CTNNBL1: variants seen among roughly 807,000 people sequenced by gnomAD.
CTNNBL1 encodes the protein beta-catenin-like protein 1.
Under a neutral mutation model 72.7 loss-of-function variants are expected in CTNNBL1, and 31 were observed. The ratio of observed to expected loss-of-function variants is 0.43; its 90% confidence interval spans 0.32 to 0.58. The LOEUF (loss-of-function observed/expected upper bound fraction) is 0.58. Among genes scored for constraint, CTNNBL1 ranks in the 20% least tolerant of loss-of-function variants. The pLI is 0.08. For synonymous variants in CTNNBL1, 240 were observed against 267.3 expected (o/e 0.90, Z 1.00); for missense variants, 534 against 725.1 (o/e 0.74, Z 3.03).
At chr20:37,766,745 C>T (rs1219925305) in intron 6 of CTNNBL1, among the ~76,000 whole-genome samples, 2 of 152,028 alleles carry the variant, frequency 1.3e-5, no homozygotes, top group African/African-American at 4.8e-5. Flanking sequence ...CTGTGACAGT[C>T]AGAGGTGGGA....
chr20:37,710,421 A>T (rs1259422718), intron 1 of CTNNBL1, among the ~76,000 whole-genome samples: 1 of 152,236 alleles, frequency 6.6e-6, no homozygotes, highest in African/African-American at 2.4e-5. Flanking sequence ...AGAATGAAGC[A>T]TTCGTATTCT....
chr20:37,852,939 A>G (rs1007692981), intron 13 of CTNNBL1, among the ~76,000 whole-genome samples: 9 of 152,326 alleles, frequency 5.9e-5, no homozygotes, highest in African/African-American at 2.2e-4. Flanking sequence ...ATCTGATCCC[A>G]TCTTCTTAGT....
At chr20:37,795,980 A>C (rs1355362482) in intron 10 of CTNNBL1, among the ~76,000 whole-genome samples, 1 of 151,548 alleles carries the variant, frequency 6.6e-6, no homozygotes, top group African/African-American at 2.4e-5. Context: ...GTTACTTGGA[A>C]ATAGTTTGGT....
intron 13 of CTNNBL1, among the ~76,000 whole-genome samples, chr20:37,856,399 C>T (rs916043174): frequency 6.6e-6 from 1 of 151,972 alleles, no homozygotes; most frequent in East Asian, 1.9e-4. Context: ...GGTTGAAGGA[C>T]TGAAAAATCA....
At chr20:37,798,356 ACT>A (rs1421295033) in intron 10 of CTNNBL1, among the ~76,000 whole-genome samples, 1 of 152,064 alleles carries the variant, frequency 6.6e-6, no homozygotes, top group Non-Finnish European at 1.5e-5. Flanking sequence ...GCAGTGGATG[ACT>A]CTCCACCATT....
rs181738122 is a variant in CTNNBL1 at position 37,855,871 on chromosome 20, A to G, written c.1393-4028A>G. On this transcript the variant is annotated intron_variant, in intron 13 of 15. Coordinates refer to ENST00000361383, the MANE Select transcript of CTNNBL1 (RefSeq NM_030877.5). ...GCCCCAGCCATGCAAATCTCAGCACACACAGCTCATTAAATAGCTTTGAAC... is the reference window on the plus strand; with the variant it reads ...GCCCCAGCCATGCAAATCTCAGCACGCACAGCTCATTAAATAGCTTTGAAC... 3.3e-5 allele frequency among the ~76,000 whole-genome samples: 5 copies of G among 152,106 alleles called. No individual in the cohort carries two copies. The East Asian group carries it at 9.6e-4, about 29-fold the overall frequency.
At chr20:37,750,003 G>A (rs1040766240) in intron 4 of CTNNBL1, 2 of 151,992 alleles carry the variant, frequency 1.3e-5, no homozygotes, top group African/African-American at 4.8e-5. Flanking sequence ...GACCATATAT[G>A]GCTGGTTATG....
chr20:37,855,675 T>C (rs1462754766), intron 13 of CTNNBL1, among the ~76,000 whole-genome samples: 2 of 152,350 alleles, frequency 1.3e-5, no homozygotes, highest in African/African-American at 2.4e-5. Context: ...TCTAAGCCGA[T>C]GTGTCCATCA....
chr20:37,870,257 C>T (rs2122885659), intron 15 of CTNNBL1, among the ~76,000 whole-genome samples: 1 of 152,190 alleles, frequency 6.6e-6, no homozygotes, highest in South Asian at 2.1e-4. Flanking sequence ...TGCTCCTACA[C>T]CCCTCCTGCC....
chr20:37,734,412 C>T (rs73621919), intron 2 of CTNNBL1, among the ~76,000 whole-genome samples: 1 of 152,270 alleles, frequency 6.6e-6, no homozygotes, highest in Non-Finnish European at 1.5e-5. Flanking sequence ...CCCTCCTCAC[C>T]AGCTTCTGCT....
At chr20:37,750,125 T>C (rs1271229471) in intron 4 of CTNNBL1, 1 of 152,226 alleles carries the variant, frequency 6.6e-6, no homozygotes, top group East Asian at 1.9e-4. Flanking sequence ...AGGCAGAGGA[T>C]GTGAGAAAAC....
intron 10 of CTNNBL1, among the ~76,000 whole-genome samples, chr20:37,782,343 C>T (rs1204673634): frequency 1.3e-5 from 2 of 152,114 alleles, no homozygotes; most frequent in Admixed American, 1.3e-4. Flanking sequence ...AAACAAGATA[C>T]TCATTGATAC....
At chr20:37,831,015 T>C (rs1025165230) in intron 11 of CTNNBL1, among the ~76,000 whole-genome samples, 1 of 152,200 alleles carries the variant, frequency 6.6e-6, no homozygotes, top group Non-Finnish European at 1.5e-5. Flanking sequence ...ACTCCAAGAA[T>C]GTGGCCCAGT....
chr20:37,731,484 C>T (rs2073128160), intron 1 of CTNNBL1, among the ~76,000 whole-genome samples: 1 of 152,188 alleles, frequency 6.6e-6, no homozygotes, highest in Non-Finnish European at 1.5e-5. Flanking sequence ...ATCTGCCCGC[C>T]TCAGCCTCCC....
intron 5 of CTNNBL1, among the ~76,000 whole-genome samples, chr20:37,760,899 T>C (rs1440682752): frequency 2.0e-5 from 3 of 151,962 alleles, no homozygotes; most frequent in Non-Finnish European, 2.9e-5. Context: ...TTAAAAAATA[T>C]TTCAAAAACA....
intron 10 of CTNNBL1, among the ~76,000 whole-genome samples, chr20:37,799,273 C>A (rs2073803513): frequency 6.6e-6 from 1 of 152,160 alleles, no homozygotes; most frequent in Admixed American, 6.5e-5. Flanking sequence ...GTTTGAAATT[C>A]TCATGCCTTC....
chr20:37,781,020 A>T (rs1409571316), intron 10 of CTNNBL1, among the ~76,000 whole-genome samples: 1 of 152,182 alleles, frequency 6.6e-6, no homozygotes, highest in African/African-American at 2.4e-5. Context: ...CCTTGCATTG[A>T]CCAAAAGTCT....
intron 15 of CTNNBL1, among the ~76,000 whole-genome samples, chr20:37,871,288 T>A (rs965284141): frequency 7.9e-5 from 12 of 152,160 alleles, no homozygotes; most frequent in Non-Finnish European, 1.6e-4. Flanking sequence ...CCAGCTGGTG[T>A]CTGTCTTAGT....
chr20:37,843,861 A>T (rs1237287077), intron 13 of CTNNBL1, among the ~76,000 whole-genome samples: 2 of 152,184 alleles, frequency 1.3e-5, no homozygotes, highest in African/African-American at 4.8e-5. Context: ...TGAATTGATT[A>T]ACTGGGGCTT....
Sources: gnomAD v4.1 joint callset for allele counts (sites outside exome capture counted in the v4.1 genomes callset) on GRCh38, gnomAD v4.1.1 for gene constraint, MANE v1.5 for transcripts, NCBI Gene and HGNC (gene_info 2026-07-23, HGNC 2026-07-21) for gene names.